The following DNAH12 variants were observed in gnomAD, a reference collection of about 807,000 sequenced individuals.
DNAH12 encodes the protein axonemal beta dynein heavy chain 12.
DNAH12 carries 285 observed loss-of-function variants against 371.5 expected under a neutral mutation model. The observed-to-expected ratio is 0.77, with a 90% CI of 0.70 to 0.85. DNAH12 has a LOEUF of 0.85. Among genes scored for constraint, DNAH12 ranks in the 40% least tolerant of loss-of-function variants. The pLI, the probability that DNAH12 is intolerant of heterozygous loss-of-function variation, is 0.00. For synonymous variants in DNAH12, 1,200 were observed against 1,213.0 expected (o/e 0.99, Z 0.22); for missense variants, 3,611 against 3,689.4 (o/e 0.98, Z 0.55).
chr3:57,452,028 C>T (rs1264104843), intron 25 of DNAH12, among the ~76,000 whole-genome samples: 1 of 152,180 alleles, frequency 6.6e-6, no homozygotes, highest in Non-Finnish European at 1.5e-5. Flanking sequence ...TTCGTTCCTG[C>T]TCCAACACTT....
rs2061830446 is a variant in DNAH12 at position 57,322,494 on chromosome 3, A to G, written c.10384-11T>C. 4 of 1,550,194 alleles carry G rather than the reference A, an allele frequency of 2.6e-6. No individual in the cohort carries two copies. In the East Asian group the frequency reaches 9.8e-5, roughly 38 times the overall value. The stretch of plus-strand genomic sequence containing the variant: ...AATTGTTACTGGGAACTAAGACAAA[A>G]TAAATGGAGAGCATTATACAAGATA... On this transcript the variant is annotated splice_polypyrimidine_tract_variant and intron_variant, in intron 64 of 73. Coordinates refer to ENST00000495027, the MANE Select transcript of DNAH12 (RefSeq NM_001366028.2).
chr3:57,444,587 G>A, intron 29 of DNAH12, 110 bp downstream of exon 29: 2 of 1,455,120 alleles, frequency 1.4e-6, no homozygotes, highest in Non-Finnish European at 1.8e-6. Context: ...ACAAAATAGG[G>A]GATTTTCCTC....
chr3:57,433,666 C>T lies in DNAH12; in HGVS notation c.4818G>A (p.Gln1606=), dbSNP rs1463452947. The T allele has an allele frequency of 6.5e-7, 1 of 1,549,646 alleles. No individual in the cohort carries two copies. The highest frequency in any genetic ancestry group is 2.4e-5 in the East Asian group (1 of 40,886). The change falls in exon 31 of 74, where the codon CAG becomes CAA. Residue 1606 remains glutamine (Q), a synonymous_variant. Transcript: ENST00000495027. Reference sequence around the variant, plus strand: ...TTACCTCATGAGACACTGGGTCAAACTGTCCAAAAAGTTGGCCCATAGTAA... The same window carrying T: ...TTACCTCATGAGACACTGGGTCAAATTGTCCAAAAAGTTGGCCCATAGTAA... ...KSITMGQLFG[Q]FDPVSHEWTD...
In DNAH12 at chr3:57,458,313, A is replaced by C. The variant is rs567356946; in HGVS notation, c.2932-93T>G. The C allele has an allele frequency of 5.2e-6, 7 of 1,339,702 alleles. No homozygotes were observed. In the South Asian group the frequency reaches 1.3e-4, roughly 25 times the overall value. 83.0% of individuals were successfully genotyped at this position (1,339,702 alleles called of 1,614,324 possible). A position where few individuals can be genotyped will look rare whatever the true frequency, so the allele number is the denominator to read the frequency against. On this transcript the variant is annotated intron_variant, in intron 20 of 73. Transcript: ENST00000495027. The stretch of plus-strand genomic sequence containing the variant: ...CTATACTATATGTTAAAATCTTTTA[A>C]TGTTAAAAGGTTTATGAAAAAATGT...
chr3:57,374,776 AAAG>A (rs2063247316), intron 55 of DNAH12, among the ~76,000 whole-genome samples: 2 of 21,560 alleles, frequency 9.3e-5, no homozygotes, highest in South Asian at 2.3e-3. Context: ...AAATATGCCA[AAAG>A]AAGCCTTACC....
intron 44 of DNAH12, 42 bp from the exon 45 acceptor site, chr3:57,392,108 G>C (rs1194607731): frequency 1.3e-5 from 2 of 152,176 alleles, no homozygotes; most frequent in Non-Finnish European, 2.9e-5. Context: ...AATAAAAATA[G>C]ATGAGCTGGT....
chr3:57,353,502 C>G (rs1294564049), intron 59 of DNAH12, among the ~76,000 whole-genome samples: 2 of 151,954 alleles, frequency 1.3e-5, no homozygotes, highest in Non-Finnish European at 2.9e-5. Flanking sequence ...ACTATGTTGC[C>G]CAGGCTGTCA....
chr3:57,301,084 G>A (rs2061334072), intron 70 of DNAH12, among the ~76,000 whole-genome samples: 1 of 151,964 alleles, frequency 6.6e-6, no homozygotes, highest in South Asian at 2.1e-4. Context: ...GAGGTCAGGA[G>A]TGAGGCACCA....
chr3:57,476,626 T>C (rs2066535971), intron 13 of DNAH12, among the ~76,000 whole-genome samples: 1 of 152,194 alleles, frequency 6.6e-6, no homozygotes, highest in Admixed American at 6.5e-5. Context: ...GGGATTATGA[T>C]GGGCTTCTAG....
At chr3:57,356,181 CCT>C (rs2062793218) in intron 59 of DNAH12, among the ~76,000 whole-genome samples, 1 of 152,066 alleles carries the variant, frequency 6.6e-6, no homozygotes, top group African/African-American at 2.4e-5. Flanking sequence ...GTGGCTCACT[CCT>C]GTAATCTCAG....
At chr3:57,331,957 T>C (rs2062108119) in intron 62 of DNAH12, among the ~76,000 whole-genome samples, 1 of 152,090 alleles carries the variant, frequency 6.6e-6, no homozygotes, top group South Asian at 2.1e-4. Context: ...AGAATTTTGT[T>C]AGGTCAGGGT....
intron 13 of DNAH12, among the ~76,000 whole-genome samples, chr3:57,478,797 A>T (rs982489770): frequency 2.0e-5 from 3 of 152,230 alleles, no homozygotes; most frequent in African/African-American, 7.2e-5. Context: ...AGAATTTTCA[A>T]CCCAGAATTT....
intron 50 of DNAH12, among the ~76,000 whole-genome samples, chr3:57,381,491 C>T (rs891484474): frequency 2.0e-5 from 3 of 152,032 alleles, no homozygotes; most frequent in Admixed American, 6.5e-5. Context: ...TAACAGCTAA[C>T]ATTTATTGTG....
At chr3:57,307,803 C>G (rs2061503013) in intron 69 of DNAH12, among the ~76,000 whole-genome samples, 1 of 152,058 alleles carries the variant, frequency 6.6e-6, no homozygotes, top group African/African-American at 2.4e-5. Flanking sequence ...TGACATTCAC[C>G]CCATTTTCCC....
At chr3:57,490,403 T>G (rs1575676300) in intron 11 of DNAH12, among the ~76,000 whole-genome samples, 1 of 152,190 alleles carries the variant, frequency 6.6e-6, no homozygotes, top group African/African-American at 2.4e-5. Context: ...TTGGAATGTA[T>G]GTCAACTTCT....
intron 60 of DNAH12, among the ~76,000 whole-genome samples, chr3:57,339,882 C>A (rs1306026161): frequency 6.6e-6 from 1 of 152,070 alleles, no homozygotes; most frequent in East Asian, 1.9e-4. Context: ...CCAACCTGGG[C>A]AACATGGCAA....
chr3:57,334,246 C>T (rs1490886972), intron 62 of DNAH12, among the ~76,000 whole-genome samples: 1 of 152,094 alleles, frequency 6.6e-6, no homozygotes, highest in South Asian at 2.1e-4. Flanking sequence ...CAACTGAAAT[C>T]CTGGGTGGGG....
At chr3:57,506,780 C>T (rs1420994948) in intron 8 of DNAH12, among the ~76,000 whole-genome samples, 2 of 151,968 alleles carry the variant, frequency 1.3e-5, no homozygotes. Context: ...ATATTTCTAG[C>T]ACACTACTGG....
At chr3:57,417,980 G>A (rs1172139718) in intron 37 of DNAH12, among the ~76,000 whole-genome samples, 5 of 151,788 alleles carry the variant, frequency 3.3e-5, no homozygotes, top group Non-Finnish European at 5.9e-5. Flanking sequence ...GTGAACCCCC[G>A]ACTCTACTAA....
Sources: gnomAD v4.1 joint callset for allele counts (sites outside exome capture counted in the v4.1 genomes callset) on GRCh38, gnomAD v4.1.1 for gene constraint, MANE v1.5 for transcripts, NCBI Gene and HGNC (gene_info 2026-07-23, HGNC 2026-07-21) for gene names.